The following PRAMEF4 variants were observed in gnomAD, a reference collection of about 807,000 sequenced individuals.
PRAMEF4 encodes the protein RP5-845O24.6.
PRAMEF4 carries 18 observed loss-of-function variants against 34.4 expected under a neutral mutation model. The observed-to-expected ratio is 0.52, with a 90% CI of 0.36 to 0.78. PRAMEF4 has a LOEUF of 0.78. Ranked by LOEUF, PRAMEF4 falls within the 30% of genes least tolerant of loss-of-function variation. The pLI is 0.00. For synonymous variants in PRAMEF4, 156 were observed against 219.3 expected (o/e 0.71, Z 2.55); for missense variants, 482 against 569.1 (o/e 0.85, Z 1.56).
intron 2 of PRAMEF4, among the ~76,000 whole-genome samples, chr1:12,882,753 G>T (rs1312019431): frequency 6.8e-6 from 1 of 148,036 alleles, no homozygotes; most frequent in Non-Finnish European, 1.5e-5. Context: ...ACCATGCCCA[G>T]CTAATTTTAG....
rs1428959052 is a variant in PRAMEF4 at position 12,883,197 on chromosome 1, G to C, written c.198C>G (p.Leu66=). ...LMVQSWPFRR[L]PLRPLIKMPC... ...GCATCTTTATCAGAGGCCTCAGAGG[G>C]AGGCGGCGGAAGGGCCAGGACTGCA... Residue 66 remains leucine, a synonymous_variant, in exon 2 of 4, where the codon CTC becomes CTG. Transcript: ENST00000235349. The C allele has an allele frequency of 2.5e-6, 4 of 1,599,730 alleles. No homozygotes were observed. Among genetic ancestry groups the C allele is most frequent in the African/African-American group, 2.7e-5 (2 of 73,030 alleles).
chr1:12,882,497 A>C (rs1640911022), intron 2 of PRAMEF4, 62 bp from the exon 3 acceptor site: 7 of 1,569,790 alleles, frequency 4.5e-6, no homozygotes, highest in Non-Finnish European at 5.2e-6. Flanking sequence ...TAAACTCCAC[A>C]TCCTGGATAG....
Position 12,883,438 on chromosome 1 carries a change from G to A in PRAMEF4, c.-16-28C>T, listed in dbSNP as rs532126216. The stretch of plus-strand genomic sequence containing the variant: ...TCCAGAGGACAAACCCAGAGAAAAG[G>A]CATCTCTCTCGGGCCAAGCCCATGC... On this transcript the variant is annotated intron_variant, in intron 1 of 3. Transcript: ENST00000235349. 3.2e-5 allele frequency: 52 copies of A among 1,600,624 alleles called. 2 individuals are homozygous for A. Among genetic ancestry groups the A allele is most frequent in the East Asian group, 2.3e-5 (1 of 44,360 alleles).
In PRAMEF4 at chr1:12,883,090, G is replaced by A. The variant is rs755657411; in HGVS notation, c.293+12C>T. The A allele has an allele frequency of 2.5e-6, 4 of 1,600,328 alleles. 1 individual carries two copies. The highest frequency in any genetic ancestry group is 1.1e-5 in the South Asian group (1 of 90,118). On this transcript the variant is annotated intron_variant, in intron 2 of 3. Transcript: ENST00000235349. ...CTGGGCCCTCCCCACCAGCCCACCT[G>A]GGCCACCTCACCTGGGACGAACCCC...
At chr1:12,880,263 G>T (rs1299038195) in intron 3 of PRAMEF4, among the ~76,000 whole-genome samples, 158 bp from the exon 4 acceptor site, 1 of 151,418 alleles carries the variant, frequency 6.6e-6, no homozygotes, top group Non-Finnish European at 1.5e-5. Context: ...GTGTGATGAA[G>T]AGCTTTGCCA....
chr1:12,881,904 A>C lies in PRAMEF4; in HGVS notation c.825T>G (p.Leu275=). 6.4e-7 allele frequency: 1 copy of C among 1,572,324 alleles called. No individual in the cohort carries two copies. The highest frequency in any genetic ancestry group is 8.6e-7 in the Non-Finnish European group (1 of 1,161,348). The change falls in exon 3 of 4, where the codon CTT becomes CTG. Residue 275 remains leucine (L), a synonymous_variant. Transcript: ENST00000235349. ...QFLKLRCLQK[L]YMNSVSFLEG... is the part of the protein sequence containing the mutation. Reference sequence around the variant, plus strand: ...CGAGGAAAGAAACAGAGTTCATATAAAGCTTTTGGAGGCAGCGCAGCTTGA... The same window carrying C: ...CGAGGAAAGAAACAGAGTTCATATACAGCTTTTGGAGGCAGCGCAGCTTGA...
At position 12,879,784 on chromosome 1, in the gene PRAMEF4, G is replaced by T; in HGVS notation, c.1197C>A (p.Asn399Lys). 6.2e-7 allele frequency: 1 copy of T among 1,601,972 alleles called. No individual in the cohort carries two copies. The highest frequency in any genetic ancestry group is 1.7e-5 in the Admixed American group (1 of 57,786). ...GNPICMATLE[N>K]LLSHTIILKN... Reference sequence around the variant, plus strand: ...TGAGTATGATTGTGTGGCTCAGCAGGTTCTCCAGGGTGGCCATGCAGATGG... The same window carrying T: ...TGAGTATGATTGTGTGGCTCAGCAGTTTCTCCAGGGTGGCCATGCAGATGG... Residue 399 changes from asparagine to lysine, a missense_variant, in exon 4 of 4, where the codon AAC becomes AAA. Around this residue, in one of 6 missense-constraint regions of PRAMEF4, gnomAD observed 116 missense variants for 105.2 expected, o/e 1.10. Transcript: ENST00000235349.
At chr1:12,882,984 G>A (rs1407021761) in intron 2 of PRAMEF4, 118 bp downstream of exon 2, 1 of 1,449,794 alleles carries the variant, frequency 6.9e-7, no homozygotes, top group Non-Finnish European at 9.4e-7. Flanking sequence ...GAATGGCCAA[G>A]TCCTCTCGGC....
At chr1:12,886,016 A>C (rs1352267881) in intron 1 of PRAMEF4, 131 bp downstream of exon 1, 1 of 57,936 alleles carries the variant, frequency 1.7e-5, no homozygotes, top group Non-Finnish European at 3.0e-5. Flanking sequence ...CAAAGCTTCC[A>C]ATTGTTCATA....
chr1:12,880,230 T>G (rs1230699770), intron 3 of PRAMEF4, 125 bp from the exon 4 acceptor site: 49 of 1,471,626 alleles, frequency 3.3e-5, no homozygotes, highest in East Asian at 3.0e-4. Flanking sequence ...TCTGATGGCC[T>G]GATGGTCAAC....
At chr1:12,883,456 G>A (rs115845904) in intron 1 of PRAMEF4, 46 bp from the exon 2 acceptor site, 88,814 of 1,597,314 alleles carry the variant, frequency 0.056, 7,865 homozygotes, top group Non-Finnish European at 0.062. Context: ...CTCGGGCCAA[G>A]CCCATGCAAT....
chr1:12,884,441 G>A (rs1640955919), intron 1 of PRAMEF4, among the ~76,000 whole-genome samples: 1 of 149,566 alleles, frequency 6.7e-6, no homozygotes, highest in South Asian at 2.1e-4. Context: ...TTGGCTGGGT[G>A]CAGTGACTCA....
intron 1 of PRAMEF4, among the ~76,000 whole-genome samples, chr1:12,884,529 A>G (rs1640957763): frequency 6.8e-6 from 1 of 147,488 alleles, no homozygotes. Context: ...AGCCTGGCCA[A>G]CATGGTAAAA....
Position 12,883,488 on chromosome 1 carries a change from A to T in PRAMEF4, c.-16-78T>A, listed in dbSNP as rs1038734261. 7 of 1,565,084 alleles carry T rather than the reference A, an allele frequency of 4.5e-6. No homozygotes were observed. The African/African-American group carries it at 8.3e-5, about 18-fold the overall frequency. ...CAATCTCATCCTCTCCTATGGCCAAACTCACTGCTCTGGCAATGGTGAAAG... is the reference window on the plus strand; with the variant it reads ...CAATCTCATCCTCTCCTATGGCCAATCTCACTGCTCTGGCAATGGTGAAAG... On this transcript the variant is annotated intron_variant, in intron 1 of 3. Coordinates refer to ENST00000235349, the MANE Select transcript of PRAMEF4 (RefSeq NM_001009611.4).
chr1:12,879,658 C>A lies in PRAMEF4; in HGVS notation c.1323G>T (p.Met441Ile). 6.2e-7 allele frequency: 1 copy of A among 1,601,036 alleles called. No individual in the cohort carries two copies. Among genetic ancestry groups the A allele is most frequent in the South Asian group, 1.1e-5 (1 of 90,310 alleles). The change falls in exon 4 of 4, where the codon ATG becomes ATT. Residue 441 changes from methionine (M) to isoleucine (I), a missense_variant. Coordinates refer to ENST00000235349, the MANE Select transcript of PRAMEF4 (RefSeq NM_001009611.4). ...GGTGCCTTAAGTCCCTCACTCTGTT[C>A]ATCAGCTCAGCCCTAATTTGAGCAA... ...SRFAQIRAELMNRVRDLRHPK... is the reference protein window; with the variant it reads ...SRFAQIRAELINRVRDLRHPK...
Position 12,882,032 on chromosome 1 carries a change from T to C in PRAMEF4, c.697A>G (p.Met233Val), listed in dbSNP as rs369080299. ...AGAATGAGTTTCTGAAGATTCCTCATGTGGCCCAGGTATGGGGTAAACTGT... is the reference window on the plus strand; with the variant it reads ...AGAATGAGTTTCTGAAGATTCCTCACGTGGCCCAGGTATGGGGTAAACTGT... ...LTQFTPYLGH[M>V]RNLQKLILSH... The change falls in exon 3 of 4, where the codon ATG (methionine) becomes GTG (valine). Residue 233 changes from methionine to valine, a missense_variant. Physicochemically the swap from Met to Val is conservative, Grantham distance 21. Transcript: ENST00000235349. 3 of 1,590,600 alleles carry C rather than the reference T, an allele frequency of 1.9e-6. No homozygotes were observed. Among genetic ancestry groups the C allele is most frequent in the East Asian group, 4.5e-5 (2 of 44,308 alleles).
At chr1:12,883,905 C>T (rs1365777790) in intron 1 of PRAMEF4, among the ~76,000 whole-genome samples, 17 of 138,386 alleles carry the variant, frequency 1.2e-4, no homozygotes, top group Non-Finnish European at 1.6e-5. Flanking sequence ...TCCTTCTTTC[C>T]CTCTCTCCCT....
In PRAMEF4 at chr1:12,880,109, G is replaced by T. The variant is rs200632064; in HGVS notation, c.876-4C>A. 0.027 allele frequency: 40,926 copies of T among 1,498,834 alleles called. 2,170 individuals carry two copies. Among genetic ancestry groups the T allele is most frequent in the Middle Eastern group, 0.054 (289 of 5,348 alleles). The allele number at this position is 1,498,834 out of a possible 1,614,324, so 92.8% of individuals were successfully genotyped here. Reference sequence around the variant, plus strand: ...CTTTAACGAGGTCTTCAGACAGCTGGGGAGAGAGAGCAAGAAGTTAATTCT... The same window carrying T: ...CTTTAACGAGGTCTTCAGACAGCTGTGGAGAGAGAGCAAGAAGTTAATTCT... On this transcript the variant is annotated splice_polypyrimidine_tract_variant and splice_region_variant and intron_variant, in intron 3 of 3. Coordinates refer to ENST00000235349, the MANE Select transcript of PRAMEF4 (RefSeq NM_001009611.4).
In PRAMEF4 at chr1:12,879,713, C is replaced by A. The variant is rs2994101; in HGVS notation, c.1268G>T (p.Gly423Val). Reference sequence around the variant, plus strand: ...GCTCCAGCAGAGAGTACCATCAGCACCATAACTCTCCCGGGGGGCAGGATA... The same window carrying A: ...GCTCCAGCAGAGAGTACCATCAGCAACATAACTCTCCCGGGGGGCAGGATA... ...ELYPAPRESYGADGTLCWSRF... is the reference protein window; with the variant it reads ...ELYPAPRESYVADGTLCWSRF... The change falls in exon 4 of 4, where the codon GGT (glycine) becomes GTT (valine). Residue 423 changes from glycine to valine, a missense_variant. This residue lies in a region of PRAMEF4 where 116 missense variants were observed against 105.2 expected (regional missense o/e 1.10). Coordinates refer to ENST00000235349, the MANE Select transcript of PRAMEF4 (RefSeq NM_001009611.4). 2 of 1,599,564 alleles carry A rather than the reference C, an allele frequency of 1.3e-6. No individual in the cohort carries two copies. The highest frequency in any genetic ancestry group is 8.5e-7 in the Non-Finnish European group (1 of 1,173,486).
Sources: allele counts gnomAD v4.1 joint callset (sites outside exome capture counted in the v4.1 genomes callset), GRCh38; gene constraint gnomAD v4.1.1; regional missense constraint gnomAD v4.1.1; transcripts MANE v1.5; gene names NCBI Gene and HGNC (gene_info 2026-07-23, HGNC 2026-07-21).